VWF: variants seen among roughly 807,000 people sequenced by gnomAD.
The protein encoded by VWF is von Willebrand factor, also known as Factor VIII related antigen.
VWF carries 176 observed loss-of-function variants against 308.6 expected under a neutral mutation model. The observed-to-expected ratio is 0.57, with a 90% CI of 0.50 to 0.65. VWF has a LOEUF of 0.65. Among genes scored for constraint, VWF ranks in the 30% least tolerant of loss-of-function variants. The pLI, the probability that VWF is intolerant of heterozygous loss-of-function variation, is 0.00. For missense variants in VWF, 3,146 were observed against 3,648.2 expected (o/e 0.86, Z 3.55); for synonymous variants, 1,385 against 1,443.4 (o/e 0.96, Z 0.92).
intron 6 of VWF, among the ~76,000 whole-genome samples, chr12:6,082,257 G>A (rs577020290): frequency 6.6e-6 from 1 of 152,148 alleles, no homozygotes; most frequent in East Asian, 1.9e-4. Flanking sequence ...GAGCCACCGC[G>A]CCTGGCCTAA....
chr12:6,122,480 G>T lies in VWF; in HGVS notation c.55+662C>A, dbSNP rs922398361. ...CAGCAGTAAATCTCTAAGTGTTCTG[G>T]GTTCCCCGGCAAAAGACCCACCTAG... is the stretch of plus-strand genomic sequence containing the variant. On this transcript the variant is annotated intron_variant, in intron 2 of 51. Coordinates refer to ENST00000261405, the MANE Select transcript of VWF (RefSeq NM_000552.5). Among the ~76,000 whole-genome samples, 5 of 152,136 alleles carry T rather than the reference G, an allele frequency of 3.3e-5. No homozygotes were observed. In the East Asian group the frequency reaches 7.7e-4, roughly 23 times the overall value.
intron 43 of VWF, among the ~76,000 whole-genome samples, chr12:5,972,245 G>A (rs1471198807): frequency 5.9e-5 from 9 of 152,192 alleles, no homozygotes; most frequent in African/African-American, 1.9e-4. Flanking sequence ...AGAAAAGTGA[G>A]ATGAGAGAGC....
chr12:6,073,609 A>T lies in VWF; in HGVS notation c.997+10T>A. On this transcript the variant is annotated intron_variant, in intron 8 of 51. Transcript: ENST00000261405. ...TCTCTGATCTGTAAATAAAGTGGGA[A>T]GTTCATTACCAGGGCAGCTGCAGCC... 1.9e-6 allele frequency: 3 copies of T among 1,613,954 alleles called. No homozygotes were observed. The highest frequency in any genetic ancestry group is 2.5e-6 in the Non-Finnish European group (3 of 1,180,014).
chr12:6,121,313 G>GC lies in VWF; in HGVS notation c.80dup (p.Gly28ArgfsTer14). The GC allele has an allele frequency of 6.2e-7, 1 of 1,614,132 alleles. No individual in the cohort carries two copies. Among genetic ancestry groups the GC allele is most frequent in the Non-Finnish European group, 8.5e-7 (1 of 1,180,032 alleles). Reference sequence around the variant, plus strand: ...TGCATCGGGCCGTGGATGACCTGCCGCGAGTTCCTTCTGCACAAAGGGTCC... The same window carrying GC: ...TGCATCGGGCCGTGGATGACCTGCCGCCGAGTTCCTTCTGCACAAAGGGTCC... On this transcript the variant is annotated frameshift_variant, in exon 3 of 52. Transcript: ENST00000261405. LOFTEE classifies it high-confidence loss of function.
At position 5,994,268 on chromosome 12, in the gene VWF, C is replaced by T. The variant is rs1943781953; in HGVS notation, c.6257-65G>A. ...GCCCTGGGTACAAAAACATTGATGC[C>T]AGAGACAGGCCATTCTTGATCCTCA... On this transcript the variant is annotated intron_variant, in intron 36 of 51. Transcript: ENST00000261405. 2.5e-6 allele frequency: 4 copies of T among 1,600,442 alleles called. No individual in the cohort carries two copies. The Middle Eastern group carries it at 5.0e-4, about 199-fold the overall frequency.
chr12:5,950,431 G>A, intron 50 of VWF, among the ~76,000 whole-genome samples: 1 of 151,974 alleles, frequency 6.6e-6, no homozygotes, highest in East Asian at 1.9e-4. Flanking sequence ...CTGACATGGG[G>A]GTTTCCTTTC....
chr12:6,085,312 C>T (rs11064017), intron 6 of VWF, among the ~76,000 whole-genome samples: 82 of 152,348 alleles, frequency 5.4e-4, no homozygotes, highest in African/African-American at 1.9e-3. Flanking sequence ...TTCCCCTAAG[C>T]TGCGCTATCA....
At chr12:6,031,411 G>T (rs371521868) in intron 21 of VWF, 33 bp downstream of exon 21, 43 of 1,613,940 alleles carry the variant, frequency 2.7e-5, no homozygotes, top group Non-Finnish European at 3.6e-5. Context: ...AGCACAAAGC[G>T]GGACATGAGG....
At chr12:5,969,439 C>T (rs867911379) in intron 44 of VWF, 48 bp from the exon 45 acceptor site, 2 of 1,609,750 alleles carry the variant, frequency 1.2e-6, no homozygotes, top group Non-Finnish European at 1.7e-6. Context: ...GGGCTGGAGC[C>T]CAGGGTCCCA....
chr12:6,069,245 A>C (rs1944755765), intron 10 of VWF, among the ~76,000 whole-genome samples: 1 of 152,088 alleles, frequency 6.6e-6, no homozygotes, highest in Non-Finnish European at 1.5e-5. Flanking sequence ...CAGATGAGGA[A>C]ACTGAAGCAT....
chr12:6,063,108 G>A lies in VWF; in HGVS notation c.1433-54C>T, dbSNP rs541237323. The A allele has an allele frequency of 2.5e-4, 369 of 1,468,224 alleles. 2 individuals are homozygous for A. In the East Asian group the frequency reaches 6.8e-3, roughly 27 times the overall value. 90.9% of individuals were successfully genotyped at this position (1,468,224 alleles called of 1,614,324 possible). A position where few individuals can be genotyped will look rare whatever the true frequency, so the allele number is the denominator to read the frequency against. ...AGAGGTGGGGAGAGGACAGGGTGGT[G>A]GCAGGCAGATGTATTTGGGAGGAAA... On this transcript the variant is annotated intron_variant, in intron 12 of 51. Coordinates refer to ENST00000261405, the MANE Select transcript of VWF (RefSeq NM_000552.5). The surrounding 1 kb of genome is among the most constrained non-coding windows in gnomAD (Gnocchi z 4.9).
intron 38 of VWF, among the ~76,000 whole-genome samples, chr12:5,988,868 A>G (rs1943708157): frequency 6.6e-6 from 1 of 151,014 alleles, no homozygotes. Flanking sequence ...AGCCAGCAGG[A>G]GTTAAAGTCT....
chr12:6,014,324 G>A (rs182629993), intron 31 of VWF, among the ~76,000 whole-genome samples: 2 of 152,300 alleles, frequency 1.3e-5, no homozygotes, highest in Non-Finnish European at 2.9e-5. Context: ...AGAGGGACAG[G>A]AGCTGATTTT....
intron 43 of VWF, among the ~76,000 whole-genome samples, chr12:5,973,241 A>G (rs896926551): frequency 6.6e-6 from 1 of 152,128 alleles, no homozygotes; most frequent in Non-Finnish European, 1.5e-5. Context: ...TCCCTCGCTT[A>G]TATCGACATT....
At chr12:6,064,197 G>GGGAT in intron 12 of VWF, 49 bp downstream of exon 12, 2 of 1,613,798 alleles carry the variant, frequency 1.2e-6, no homozygotes, top group Non-Finnish European at 1.7e-6. Context: ...AGGGTGCTAA[G>GGGAT]GGATGGGCTG....
chr12:6,102,691 T>C (rs963920153), intron 5 of VWF, among the ~76,000 whole-genome samples: 3 of 151,344 alleles, frequency 2.0e-5, no homozygotes, highest in Non-Finnish European at 4.4e-5. Flanking sequence ...GCCGAGATTG[T>C]GCCACTGCAC....
chr12:6,016,926 C>T, intron 28 of VWF, 56 bp from the exon 29 acceptor site: 2 of 1,560,992 alleles, frequency 1.3e-6, no homozygotes, highest in Non-Finnish European at 1.8e-6. Context: ...CAATGGCCAC[C>T]AGGCCTACAA....
chr12:6,118,376 C>CTTTTTTT (rs71064189), intron 3 of VWF, among the ~76,000 whole-genome samples: 1 of 65,486 alleles, frequency 1.5e-5, no homozygotes, highest in Non-Finnish European at 3.1e-5. Flanking sequence ...CCTCTGGTCA[C>CTTTTTTT]TTTTTTTTTT....
At chr12:6,113,931 G>A (rs957015425) in intron 3 of VWF, among the ~76,000 whole-genome samples, 1 of 152,234 alleles carries the variant, frequency 6.6e-6, no homozygotes, top group East Asian at 1.9e-4. Flanking sequence ...TGCCAGAGCA[G>A]AAGCCTCCAC....
Sources: allele counts gnomAD v4.1 joint callset (sites outside exome capture counted in the v4.1 genomes callset), GRCh38; gene constraint gnomAD v4.1.1; non-coding constraint Gnocchi (gnomAD v3.1); transcripts MANE v1.5; gene names NCBI Gene and HGNC (gene_info 2026-07-23, HGNC 2026-07-21).